The following SPATA2 variants were observed in gnomAD, a reference collection of about 807,000 sequenced individuals.
The protein encoded by SPATA2 is spermatogenesis associated 2, also known as spermatogenesis-associated protein 2.
SPATA2 carries 8 observed loss-of-function variants against 35.4 expected under a neutral mutation model. That is an observed-to-expected ratio of 0.23 (90% CI 0.13 to 0.41). The LOEUF (loss-of-function observed/expected upper bound fraction) is 0.41. Among genes scored for constraint, SPATA2 ranks in the 10% least tolerant of loss-of-function variants. The pLI, the probability that SPATA2 is intolerant of heterozygous loss-of-function variation, is 1.00. For synonymous variants in SPATA2, 293 were observed against 300.9 expected, an observed-to-expected ratio of 0.97 and a Z score of 0.27; for missense variants, 650 against 698.7, an observed-to-expected ratio of 0.93 and a Z score of 0.79.
chr20:49,912,174 C>A (rs969510939), intron 1 of SPATA2, among the ~76,000 whole-genome samples: 1 of 152,204 alleles, frequency 6.6e-6, no homozygotes, highest in Non-Finnish European at 1.5e-5. Flanking sequence ...AAAATGCAGG[C>A]CAGGCGCGGT....
intron 1 of SPATA2, among the ~76,000 whole-genome samples, chr20:49,911,639 C>G (rs183458567): frequency 6.6e-6 from 1 of 151,308 alleles, no homozygotes; most frequent in Non-Finnish European, 1.5e-5. Context: ...TGCACTCCAG[C>G]CTGGGCAACA....
rs2090138238 is a variant in SPATA2, at chr20:49,905,839, G to T, written c.1343C>A (p.Ser448Tyr). 4.3e-6 allele frequency: 7 copies of T among 1,614,158 alleles called. No individual in the cohort carries two copies. Among genetic ancestry groups the T allele is most frequent in the Non-Finnish European group, 5.9e-6 (7 of 1,180,044 alleles). Residue 448 changes from serine (S) to tyrosine (Y), a missense_variant, in exon 3 of 3, where the codon TCC becomes TAC. Coordinates refer to ENST00000289431, the MANE Select transcript of SPATA2 (RefSeq NM_006038.4). ...GGGCGTGGTGGAGGGCTTGGATTTG[G>T]AGTGAAGGTGCGGGAGGCGGTCGAG... is the stretch of plus-strand genomic sequence containing the variant. ...QGLDRLPHLH[S>Y]KSKPSTTPTS...
At chr20:49,908,100 C>T in intron 2 of SPATA2, 55 bp downstream of exon 2, 1 of 1,516,526 alleles carries the variant, frequency 6.6e-7, no homozygotes, top group Non-Finnish European at 8.9e-7. Flanking sequence ...GGAGGGACTG[C>T]CAGGGGCAGG....
chr20:49,911,834 G>A (rs1245157265), intron 1 of SPATA2, among the ~76,000 whole-genome samples: 1 of 152,162 alleles, frequency 6.6e-6, no homozygotes. Flanking sequence ...ATGGCATGAG[G>A]TACGACAAGT....
chr20:49,903,898 G>GATATAT lies in SPATA2; in HGVS notation c.*1720_*1721insATATAT, dbSNP rs1380747515. The stretch of plus-strand genomic sequence containing the variant: ...CTGTACATCTACATGTGATCTACCA[G>GATATAT]ATAGATATATATATATATATATATA... On this transcript the variant is annotated 3_prime_UTR_variant, in exon 3 of 3. Transcript: ENST00000289431. 184 of 86,102 alleles carry GATATAT rather than the reference G, an allele frequency of 2.1e-3. 10 individuals are homozygous for GATATAT. Among genetic ancestry groups the GATATAT allele is most frequent in the Middle Eastern group, 6.4e-3 (1 of 156 alleles). The allele number at this position is 86,102 out of a possible 1,614,324, so 5.3% of individuals were successfully genotyped here. A position where few individuals can be genotyped will look rare whatever the true frequency, so the allele number is the denominator to read the frequency against.
Position 49,905,587 on chromosome 20 carries a change from T to C in SPATA2, c.*32A>G. The C allele has an allele frequency of 1.2e-6, 2 of 1,607,406 alleles. No homozygotes were observed. The highest frequency in any genetic ancestry group is 2.2e-5 in the East Asian group (1 of 44,716). Reference sequence around the variant, plus strand: ...GTGAAACCCGAAAGGTCGGTTGATGTAGCCCTTGGAGCTGGAAGGGGCGAG... The same window carrying C: ...GTGAAACCCGAAAGGTCGGTTGATGCAGCCCTTGGAGCTGGAAGGGGCGAG... On this transcript the variant is annotated 3_prime_UTR_variant, in exon 3 of 3. Transcript: ENST00000289431.
Position 49,910,116 on chromosome 20 carries a change from G to A in SPATA2, c.-102-1524C>T, listed in dbSNP as rs2284648. On this transcript the variant is annotated intron_variant, in intron 1 of 2. Transcript: ENST00000289431. ...TATTCTTGTCACCACAACGCTGGGAGCGAATCCGGATTAATGGAGGGACAC... is the reference window on the plus strand; with the variant it reads ...TATTCTTGTCACCACAACGCTGGGAACGAATCCGGATTAATGGAGGGACAC... Among the ~76,000 whole-genome samples the A allele has an allele frequency of 0.023, 3,495 of 152,284 alleles. 374 individuals are homozygous for A. The East Asian group carries it at 0.35, about 15-fold the overall frequency.
At chr20:49,914,328 T>C (rs1388051531) in intron 1 of SPATA2, among the ~76,000 whole-genome samples, 2 of 152,142 alleles carry the variant, frequency 1.3e-5, no homozygotes, top group Non-Finnish European at 2.9e-5. Flanking sequence ...TTACCTCAGC[T>C]GGCCCATTCA....
Position 49,905,843 on chromosome 20 carries a change from G to A in SPATA2, c.1339C>T (p.His447Tyr). ...GTGGTGGAGGGCTTGGATTTGGAGT[G>A]AAGGTGCGGGAGGCGGTCGAGGCCC... ...TQGLDRLPHL[H>Y]SKSKPSTTPT... The change falls in exon 3 of 3, where the codon CAC becomes TAC. Residue 447 changes from histidine to tyrosine, a missense_variant. Transcript: ENST00000289431. 1 of 1,614,128 alleles carries A rather than the reference G, an allele frequency of 6.2e-7. No homozygotes were observed. Among genetic ancestry groups the A allele is most frequent in the Non-Finnish European group, 8.5e-7 (1 of 1,180,038 alleles).
chr20:49,914,751 C>T lies in SPATA2; in HGVS notation c.-103+629G>A, dbSNP rs569293720. Reference sequence around the variant, plus strand: ...CCTCCCTGCAGGGGACAGAAGCTGGCGGCTGCTAAGTCCCAGCTCGGTCAT... The same window carrying T: ...CCTCCCTGCAGGGGACAGAAGCTGGTGGCTGCTAAGTCCCAGCTCGGTCAT... On this transcript the variant is annotated intron_variant, in intron 1 of 2. Transcript: ENST00000289431. 2.6e-5 allele frequency among the ~76,000 whole-genome samples: 4 copies of T among 152,336 alleles called. No homozygotes were observed. In the South Asian group the frequency reaches 6.2e-4, roughly 24 times the overall value.
Position 49,906,264 on chromosome 20 carries a change from G to A in SPATA2, c.918C>T (p.His306=), listed in dbSNP as rs765401441. 2.2e-5 allele frequency: 34 copies of A among 1,571,756 alleles called. No individual in the cohort carries two copies. The Middle Eastern group carries it at 5.1e-4, about 24-fold the overall frequency. The stretch of plus-strand genomic sequence containing the variant: ...CGGGTGGAAGCACATCCGGGCTGCC[G>A]TGGGGGGAGCTGGCCATGGTCAGCA... ...PSLLTMASSP[H]GSPDVLPPAS... is the part of the protein sequence containing the mutation. The change falls in exon 3 of 3, where the codon CAC becomes CAT. Residue 306 remains histidine (H), a synonymous_variant. Coordinates refer to ENST00000289431, the MANE Select transcript of SPATA2 (RefSeq NM_006038.4). The surrounding 1 kb of genome is among the most constrained non-coding windows in gnomAD (Gnocchi z 8.2).
chr20:49,909,503 C>T (rs545448365), intron 1 of SPATA2, among the ~76,000 whole-genome samples: 1 of 151,748 alleles, frequency 6.6e-6, no homozygotes, highest in Non-Finnish European at 1.5e-5. Flanking sequence ...TCCAGGAGCT[C>T]GAGACCAGCC....
chr20:49,907,621 T>C lies in SPATA2; in HGVS notation c.336+534A>G, dbSNP rs186720251. ...GATTACCACTCCTCCCATGGCAGAA[T>C]GAAGAAGCCTGGCTAGGTGACAGCT... On this transcript the variant is annotated intron_variant, in intron 2 of 2. Coordinates refer to ENST00000289431, the MANE Select transcript of SPATA2 (RefSeq NM_006038.4). 1.5e-4 allele frequency among the ~76,000 whole-genome samples: 23 copies of C among 148,450 alleles called. No individual in the cohort carries two copies. The East Asian group carries it at 3.6e-3, about 23-fold the overall frequency.
intron 2 of SPATA2, among the ~76,000 whole-genome samples, 162 bp from the exon 3 acceptor site, chr20:49,907,007 G>T (rs866196528): frequency 6.6e-6 from 1 of 152,308 alleles, no homozygotes; most frequent in South Asian, 2.1e-4. Flanking sequence ...GGCAGAAGAC[G>T]CAGGAGCTGG....
rs2090160832 is a variant in SPATA2 at position 49,908,330 on chromosome 20, T to C, written c.161A>G (p.Lys54Arg). Reference sequence around the variant, plus strand: ...CCGGAATCGATAAAAGGGATCCACCTTGTGCAGGCTGAGCAGGGTTGAGGC... The same window carrying C: ...CCGGAATCGATAAAAGGGATCCACCCTGTGCAGGCTGAGCAGGGTTGAGGC... ...VAASTLLSLH[K>R]VDPFYRFRLI... The change falls in exon 2 of 3, where the codon AAG (lysine) becomes AGG (arginine). Residue 54 changes from lysine to arginine, a missense_variant. By Grantham distance (26) the Lys-to-Arg change is conservative (BLOSUM62 2). Coordinates refer to ENST00000289431, the MANE Select transcript of SPATA2 (RefSeq NM_006038.4). 1.2e-6 allele frequency: 2 copies of C among 1,614,146 alleles called. No homozygotes were observed. The highest frequency in any genetic ancestry group is 1.1e-5 in the South Asian group (1 of 91,092).
chr20:49,906,039 G>A lies in SPATA2; in HGVS notation c.1143C>T (p.Ser381=). 2 of 1,605,616 alleles carry A rather than the reference G, an allele frequency of 1.2e-6. No homozygotes were observed. Among genetic ancestry groups the A allele is most frequent in the Non-Finnish European group, 1.7e-6 (2 of 1,179,172 alleles). ...AGGACAGCCCGCAGCTTTGGCACTT[G>A]GAGAGGGCGGACTCTTTGGCAGGGG... ...RSPPAKESAL[S]KCQSCGLSCS... The change falls in exon 3 of 3, where the codon TCC becomes TCT. Residue 381 remains serine, a synonymous_variant. Transcript: ENST00000289431. The surrounding 1 kb of genome is among the most constrained non-coding windows in gnomAD (Gnocchi z 8.2).
chr20:49,906,408 G>A lies in SPATA2; in HGVS notation c.774C>T (p.Asp258=). 3.1e-6 allele frequency: 5 copies of A among 1,613,468 alleles called. No homozygotes were observed. The highest frequency in any genetic ancestry group is 4.2e-6 in the Non-Finnish European group (5 of 1,180,012). The change falls in exon 3 of 3, where the codon GAC becomes GAT. Residue 258 remains aspartate, a synonymous_variant. Transcript: ENST00000289431. The surrounding 1 kb of genome is among the most constrained non-coding windows in gnomAD (Gnocchi z 8.2). Reference sequence around the variant, plus strand: ...GTGGCTTCCGGCTCTCCCAGTAGCTGTCATAGGCATCCACTGACCTCGAGG... The same window carrying A: ...GTGGCTTCCGGCTCTCCCAGTAGCTATCATAGGCATCCACTGACCTCGAGG... ...TKPSRSVDAY[D]SYWESRKPPL...
chr20:49,906,062 G>A lies in SPATA2; in HGVS notation c.1120C>T (p.Pro374Ser), dbSNP rs767835044. The change falls in exon 3 of 3, where the codon CCT (proline) becomes TCT (serine). Residue 374 changes from proline to serine, a missense_variant. Coordinates refer to ENST00000289431, the MANE Select transcript of SPATA2 (RefSeq NM_006038.4). This position sits in a 1 kb window ranked among gnomAD's most constrained non-coding sequence, Gnocchi z 8.2. ...AHSLYHKRSP[P>S]AKESALSKCQ... ...TTGGAGAGGGCGGACTCTTTGGCAG[G>A]GGGCGAGCGCTTGTGGTAGAGGGAG... 4 of 1,606,772 alleles carry A rather than the reference G, an allele frequency of 2.5e-6. No homozygotes were observed. In the Admixed American group the frequency reaches 5.0e-5, roughly 20 times the overall value.
In SPATA2 at chr20:49,904,015, T is replaced by A. The variant is rs1016585744; in HGVS notation, c.*1604A>T. ...ATCACTCAACTGAGTTGGAAGAACA[T>A]CAGCAAATTCACAGTGGCCTCAGGA... is the stretch of plus-strand genomic sequence containing the variant. On this transcript the variant is annotated 3_prime_UTR_variant, in exon 3 of 3. Transcript: ENST00000289431. The A allele has an allele frequency of 6.7e-6, 1 of 149,248 alleles. No homozygotes were observed. The highest frequency in any genetic ancestry group is 1.5e-5 in the Non-Finnish European group (1 of 67,458). 9.2% of individuals were successfully genotyped at this position (149,248 alleles called of 1,614,324 possible).
Sources: allele counts gnomAD v4.1 joint callset (sites outside exome capture counted in the v4.1 genomes callset), GRCh38; gene constraint gnomAD v4.1.1; non-coding constraint Gnocchi (gnomAD v3.1); transcripts MANE v1.5; gene names NCBI Gene and HGNC (gene_info 2026-07-23, HGNC 2026-07-21).